FARS2: variants seen among roughly 807,000 people sequenced by gnomAD.
FARS2 encodes phenylalanine--tRNA ligase, mitochondrial.
A neutral mutation model predicts 46.4 loss-of-function variants in FARS2; 40 were observed. That is an observed-to-expected ratio of 0.86 (90% CI 0.67 to 1.12). FARS2 has a LOEUF of 1.12. Ranked by LOEUF, FARS2 falls within the 50% of genes most tolerant of loss-of-function variation. The probability of loss-of-function intolerance (pLI) is 0.00; values close to 1 mark genes in which losing one functional copy is unlikely to be tolerated. For synonymous variants in FARS2, 234 were observed against 214.9 expected, an observed-to-expected ratio of 1.09 and a Z score of -0.78; for missense variants, 513 against 567.9, an observed-to-expected ratio of 0.90 and a Z score of 0.98.
At chr6:5,635,355 A>T (rs73718331) in intron 6 of FARS2, among the ~76,000 whole-genome samples, 1 of 152,244 alleles carries the variant, frequency 6.6e-6, no homozygotes, top group Non-Finnish European at 1.5e-5. Flanking sequence ...CTAGTTGCTG[A>T]TGATAATTTA....
chr6:5,679,880 T>C (rs1260743943), intron 6 of FARS2, among the ~76,000 whole-genome samples: 1 of 131,820 alleles, frequency 7.6e-6, no homozygotes, highest in Non-Finnish European at 1.6e-5. Flanking sequence ...ATTTCCTTCA[T>C]AACAACACCC....
At chr6:5,731,162 GC>G (rs1760598003) in intron 6 of FARS2, among the ~76,000 whole-genome samples, 2 of 152,144 alleles carry the variant, frequency 1.3e-5, no homozygotes, top group Admixed American at 1.3e-4. Flanking sequence ...CGGGAGTTGG[GC>G]TTTTTAAAAG....
chr6:5,707,787 C>A (rs1036400729), intron 6 of FARS2, among the ~76,000 whole-genome samples: 2 of 152,202 alleles, frequency 1.3e-5, no homozygotes, highest in Non-Finnish European at 2.9e-5. Flanking sequence ...TCTCACAGAG[C>A]CCCATCTTGT....
chr6:5,657,389 AT>A (rs1253603305), intron 6 of FARS2, among the ~76,000 whole-genome samples: 1 of 152,216 alleles, frequency 6.6e-6, no homozygotes, highest in Non-Finnish European at 1.5e-5. Flanking sequence ...TGCTGCACTG[AT>A]TAGATTGACC....
At chr6:5,448,863 G>T (rs184889666) in intron 4 of FARS2, among the ~76,000 whole-genome samples, 36 of 152,320 alleles carry the variant, frequency 2.4e-4, no homozygotes, top group African/African-American at 8.4e-4. Context: ...TGCTAAGTTA[G>T]CCTTGGTGAC....
chr6:5,552,840 A>G (rs766243888), intron 5 of FARS2, among the ~76,000 whole-genome samples: 8 of 152,176 alleles, frequency 5.3e-5, no homozygotes, highest in Non-Finnish European at 8.8e-5. Flanking sequence ...CCCATGCTGT[A>G]TTCGTTCTGA....
intron 4 of FARS2, among the ~76,000 whole-genome samples, chr6:5,519,936 G>T (rs1769027811): frequency 6.6e-6 from 1 of 152,196 alleles, no homozygotes; most frequent in Non-Finnish European, 1.5e-5. Flanking sequence ...TTCAAGCTCA[G>T]AAGTTTTAGC....
intron 4 of FARS2, among the ~76,000 whole-genome samples, chr6:5,498,908 T>C (rs1328585496): frequency 1.3e-5 from 2 of 152,320 alleles, no homozygotes; most frequent in South Asian, 2.1e-4. Context: ...AGTGCCTTTT[T>C]TTTTCTTGAG....
chr6:5,417,583 T>A (rs1376844949), intron 3 of FARS2, among the ~76,000 whole-genome samples: 1 of 152,212 alleles, frequency 6.6e-6, no homozygotes, highest in East Asian at 1.9e-4. Context: ...CCCTGTTTCC[T>A]GTGAGAAATC....
intron 1 of FARS2, among the ~76,000 whole-genome samples, chr6:5,365,635 A>G (rs1052602154): frequency 6.7e-6 from 1 of 148,904 alleles, no homozygotes; most frequent in Non-Finnish European, 1.5e-5. Context: ...CATAGGCGTG[A>G]GCCACCACAC....
intron 2 of FARS2, among the ~76,000 whole-genome samples, chr6:5,397,405 T>C (rs1338854841): frequency 6.6e-6 from 1 of 152,154 alleles, no homozygotes; most frequent in African/African-American, 2.4e-5. Context: ...CCATAGAATG[T>C]ACAACTCCAA....
intron 4 of FARS2, among the ~76,000 whole-genome samples, chr6:5,487,087 G>C (rs1766818815): frequency 6.6e-6 from 1 of 152,122 alleles, no homozygotes; most frequent in African/African-American, 2.4e-5. Context: ...TCAAAGTAAG[G>C]TATGCATAAA....
At position 5,532,783 on chromosome 6, in the gene FARS2, T is replaced by TAAGAAG. The variant is rs756604628; in HGVS notation, c.905-12373_905-12368dup. Among the ~76,000 whole-genome samples, 65 of 138,748 alleles carry TAAGAAG rather than the reference T, an allele frequency of 4.7e-4. 1 individual carries two copies. The highest frequency in any genetic ancestry group is 2.4e-3 in the East Asian group (12 of 5,004). 91.0% of individuals were successfully genotyped at this position (138,748 alleles called of 152,430 possible). ...GTAGTAGTAATAATAATAATAATAA[T>TAAGAAG]AAGAAGAAGAAGAAGAAGAAGAAGA... On this transcript the variant is annotated intron_variant, in intron 4 of 6. Coordinates refer to ENST00000274680, the MANE Select transcript of FARS2 (RefSeq NM_006567.5).
At chr6:5,429,645 T>TA (rs1230746979) in intron 3 of FARS2, among the ~76,000 whole-genome samples, 1 of 151,878 alleles carries the variant, frequency 6.6e-6, no homozygotes, top group African/African-American at 2.4e-5. Flanking sequence ...ATCTCTAAAG[T>TA]AAAAAAAGTA....
chr6:5,423,770 G>A (rs977643923), intron 3 of FARS2, among the ~76,000 whole-genome samples: 6 of 152,120 alleles, frequency 3.9e-5, no homozygotes, highest in Non-Finnish European at 7.3e-5. Flanking sequence ...CAGGGTACAT[G>A]GTTGTGTGGA....
intron 5 of FARS2, among the ~76,000 whole-genome samples, chr6:5,574,140 G>T (rs1772821188): frequency 6.6e-6 from 1 of 151,954 alleles, no homozygotes; most frequent in African/African-American, 2.4e-5. Flanking sequence ...TTTTTGTTTT[G>T]TTTTGTTTTG....
In FARS2 at chr6:5,404,620, C is replaced by G; in HGVS notation, c.691C>G (p.His231Asp). The G allele has an allele frequency of 6.2e-7, 1 of 1,613,356 alleles. No homozygotes were observed. The highest frequency in any genetic ancestry group is 8.5e-7 in the Non-Finnish European group (1 of 1,179,494). Residue 231 changes from histidine (H) to aspartate (D), a missense_variant, in exon 3 of 7, where the codon CAC becomes GAC. Coordinates refer to ENST00000274680, the MANE Select transcript of FARS2 (RefSeq NM_006567.5). ...TCGCTCTGCGCATAAACAAGAGACA[C>G]ACACCATGGAGGCCGTGAAGCTTGT... ...SSRSAHKQET[H>D]TMEAVKLVEF...
intron 6 of FARS2, among the ~76,000 whole-genome samples, chr6:5,722,727 G>A (rs1336517007): frequency 1.3e-5 from 2 of 152,162 alleles, no homozygotes; most frequent in Non-Finnish European, 2.9e-5. Context: ...AGTGCAACGA[G>A]GATGTCCTTG....
intron 5 of FARS2, chr6:5,610,300 T>G (rs1775101115): frequency 7.4e-6 from 3 of 403,730 alleles, no homozygotes; most frequent in East Asian, 7.3e-5. Flanking sequence ...GATGCCCTTT[T>G]CAATTCTTTT....
Sources: gnomAD v4.1 joint callset for allele counts (sites outside exome capture counted in the v4.1 genomes callset) on GRCh38, gnomAD v4.1.1 for gene constraint, MANE v1.5 for transcripts, NCBI Gene and HGNC (gene_info 2026-07-23, HGNC 2026-07-21) for gene names.